The following OLFM1 variants were observed in gnomAD, a reference collection of about 807,000 sequenced individuals.
The protein encoded by OLFM1 is olfactomedin 1.
Under a neutral mutation model 49.7 loss-of-function variants are expected in OLFM1, and 9 were observed. The ratio of observed to expected loss-of-function variants is 0.18; its 90% CI spans 0.11 to 0.32. The LOEUF (loss-of-function observed/expected upper bound fraction) is 0.32, where lower values mean the gene tolerates loss of function less well. Among genes scored for constraint, OLFM1 ranks in the 10% least tolerant of loss-of-function variants. The pLI, the probability that OLFM1 is intolerant of heterozygous loss-of-function variation, is 1.00. For synonymous variants in OLFM1, 240 were observed against 271.8 expected (o/e 0.88, Z 1.15); for missense variants, 369 against 661.8 (o/e 0.56, Z 4.85).
chr9:135,085,695 C>A (rs1000472932), upstream of OLFM1, among the ~76,000 whole-genome samples: 1 of 152,244 alleles, frequency 6.6e-6, no homozygotes, highest in Non-Finnish European at 1.5e-5. Context: ...TATTGCCTGG[C>A]GCCATGGATC....
At chr9:135,108,995 ACCACCCCACAAAC>A (rs1830985386) in intron 5 of OLFM1, among the ~76,000 whole-genome samples, 1 of 151,870 alleles carries the variant, frequency 6.6e-6, no homozygotes, top group Non-Finnish European at 1.5e-5. Context: ...GAGCAGGAAA[ACCACCCCACAAAC>A]CCACGCTGAC....
chr9:135,082,472 A>C (rs552531194), intron 1 of OLFM1, among the ~76,000 whole-genome samples: 156 of 152,328 alleles, frequency 1.0e-3, no homozygotes, highest in African/African-American at 3.6e-3. Context: ...AGTCAAAGAA[A>C]GAACATGAGT....
rs181327065 is a variant in OLFM1 at position 135,108,645 on chromosome 9, A to C, written c.783+1790A>C. 4.9e-3 allele frequency among the ~76,000 whole-genome samples: 740 copies of C among 151,788 alleles called. 5 individuals carry two copies. The highest frequency in any genetic ancestry group is 0.014 in the African/African-American group (593 of 41,340). On this transcript the variant is annotated intron_variant, in intron 5 of 5. Transcript: ENST00000371793. ...GAGGCTCTGTCTCAAAAAAAAAAAA[A>C]CAAAAAAAACAGCGAGTGTGTCCTG...
At chr9:135,083,837 G>A (rs1037003982), upstream of OLFM1, among the ~76,000 whole-genome samples, 2 of 152,208 alleles carry the variant, frequency 1.3e-5, no homozygotes, top group African/African-American at 4.8e-5. Flanking sequence ...GAGACATTTG[G>A]CTCTGAAAGC....
rs556081240 is a variant in OLFM1 at position 135,105,416 on chromosome 9, G to T, written c.677-1333G>T. ...CGCTCTCCCACCAACCCACAGAATC[G>T]GAGACGCCTCCATGCCGGCAGGGCC... On this transcript the variant is annotated intron_variant, in intron 4 of 5. Transcript: ENST00000371793. 2.3e-3 allele frequency among the ~76,000 whole-genome samples: 350 copies of T among 152,322 alleles called. 1 individual carries two copies. The highest frequency in any genetic ancestry group is 7.9e-3 in the African/African-American group (328 of 41,580).
chr9:135,086,832 A>G (rs62573402), upstream of OLFM1: 110,040 of 415,478 alleles, frequency 0.26, 18,363 homozygotes, highest in African/African-American at 0.61. Context: ...CTGAGTCAGT[A>G]AGGACACCCC....
Position 135,098,172 on chromosome 9 carries a change from G to C in OLFM1, c.457-114G>C. ...CATTTGGACCAGAACAAATAAGCCT[G>C]TAAATAAAGCGGGAATATACACACT... On this transcript the variant is annotated intron_variant, in intron 3 of 5. Coordinates refer to ENST00000371793, the MANE Select transcript of OLFM1 (RefSeq NM_001282611.2). This position sits in a 1 kb window ranked among gnomAD's most constrained non-coding sequence, Gnocchi z 5.6. 6.8e-7 allele frequency: 1 copy of C among 1,464,398 alleles called. No individual in the cohort carries two copies. The highest frequency in any genetic ancestry group is 1.4e-5 in the South Asian group (1 of 70,424). 90.7% of individuals were successfully genotyped at this position (1,464,398 alleles called of 1,614,324 possible).
At chr9:135,111,742 G>C (rs1297995076) in intron 5 of OLFM1, among the ~76,000 whole-genome samples, 1 of 152,094 alleles carries the variant, frequency 6.6e-6, no homozygotes, top group African/African-American at 2.4e-5. Context: ...ACGGAGTCTT[G>C]CTCTGTCGTC....
At chr9:135,077,354 C>G in intron 1 of OLFM1, 1 of 1,208,224 alleles carries the variant, frequency 8.3e-7, no homozygotes, top group Non-Finnish European at 1.1e-6. Context: ...CACCCTGAAG[C>G]CTCCATGCCC....
intron 1 of OLFM1, chr9:135,076,720 G>A (rs913674244): frequency 2.1e-6 from 3 of 1,444,512 alleles, no homozygotes; most frequent in Non-Finnish European, 2.7e-6. Context: ...GGAGTTGCAA[G>A]TCCAGGAAGT....
At chr9:135,097,787 C>T (rs769303596) in intron 3 of OLFM1, 2 of 1,613,640 alleles carry the variant, frequency 1.2e-6, no homozygotes, top group East Asian at 2.2e-5. Context: ...GCAGGGCTAA[C>T]TTAAAAGAGT....
Position 135,119,703 on chromosome 9 carries a change from A to C in OLFM1, c.983A>C (p.Glu328Ala). 6.2e-7 allele frequency: 1 copy of C among 1,614,158 alleles called. No homozygotes were observed. Among genetic ancestry groups the C allele is most frequent in the East Asian group, 2.2e-5 (1 of 44,884 alleles). The change falls in exon 6 of 6, where the codon GAG becomes GCG. Residue 328 changes from glutamate to alanine, a missense_variant. Transcript: ENST00000371793. The part of the protein sequence containing the change: ...HIIIRFDLKT[E>A]TILKTRSLDY... ...ATCATCAGGTTTGACCTGAAGACAG[A>C]GACCATCCTCAAGACCCGCAGCCTG...
intron 1 of OLFM1, chr9:135,077,012 TG>T (rs1387469699): frequency 6.4e-7 from 1 of 1,550,588 alleles, no homozygotes; most frequent in South Asian, 1.2e-5. Flanking sequence ...GCCCTTCTCC[TG>T]GTGCTGCCCA....
At position 135,087,844 on chromosome 9, in the gene OLFM1, GGC is replaced by G; in HGVS notation, c.-144_-143del. ...TGGCCGGGGCGCGCGGGGCGGCGGC[GGC>G]GGCGGGCGGGCGGCGGCGGGCCGAG... On this transcript the variant is annotated 5_prime_UTR_variant, in exon 1 of 6. An upstream open reading frame in the 5' UTR loses its in-frame stop. Coordinates refer to ENST00000371793, the MANE Select transcript of OLFM1 (RefSeq NM_001282611.2). 1.1e-6 allele frequency: 1 copy of G among 947,646 alleles called. No individual in the cohort carries two copies. The highest frequency in any genetic ancestry group is 1.3e-6 in the Non-Finnish European group (1 of 798,318). 58.7% of individuals were successfully genotyped at this position (947,646 alleles called of 1,614,324 possible).
intron 1 of OLFM1, among the ~76,000 whole-genome samples, chr9:135,089,608 G>A (rs1830652254): frequency 6.6e-6 from 1 of 152,232 alleles, no homozygotes; most frequent in Non-Finnish European, 1.5e-5. Flanking sequence ...TCTCGGGTCG[G>A]TCTGTGCCAC....
At chr9:135,086,753 C>T (rs1429044705), upstream of OLFM1, 1 of 454,578 alleles carries the variant, frequency 2.2e-6, no homozygotes, top group Non-Finnish European at 4.4e-6. Flanking sequence ...CGCAGAGGGC[C>T]GGGAAGAGGG....
intron 5 of OLFM1, among the ~76,000 whole-genome samples, chr9:135,111,489 C>T (rs763525922): frequency 7.2e-5 from 11 of 152,156 alleles, no homozygotes; most frequent in Non-Finnish European, 1.5e-4. Flanking sequence ...GAGTCCAGCC[C>T]TGACCCCCTG....
upstream of OLFM1, among the ~76,000 whole-genome samples, chr9:135,083,196 C>G (rs987340322): frequency 6.6e-6 from 1 of 152,154 alleles, no homozygotes; most frequent in African/African-American, 2.4e-5. Context: ...GCATTCAGCC[C>G]AGAGGGTGAC....
Position 135,104,768 on chromosome 9 carries a change from G to T in OLFM1, c.677-1981G>T, listed in dbSNP as rs562733192. ...CTCCCCCGAAGCCCAGGGCCCCCCA[G>T]CAGCCGGAGGGTGAGCCCAGCCATG... On this transcript the variant is annotated intron_variant, in intron 4 of 5. Coordinates refer to ENST00000371793, the MANE Select transcript of OLFM1 (RefSeq NM_001282611.2). Among the ~76,000 whole-genome samples the T allele has an allele frequency of 3.3e-5, 5 of 152,292 alleles. No individual in the cohort carries two copies. The South Asian group carries it at 8.3e-4, about 25-fold the overall frequency.
Sources: allele counts gnomAD v4.1 joint callset (sites outside exome capture counted in the v4.1 genomes callset), GRCh38; gene constraint gnomAD v4.1.1; non-coding constraint Gnocchi (gnomAD v3.1); transcripts MANE v1.5; gene names NCBI Gene and HGNC (gene_info 2026-07-23, HGNC 2026-07-21).